MSI2: variants seen among roughly 807,000 people sequenced by gnomAD.
MSI2 encodes the protein musashi RNA binding protein 2.
MSI2 carries 17 observed loss-of-function variants against 45.6 expected under a neutral mutation model. That is an observed-to-expected ratio of 0.37 (90% CI 0.26 to 0.56). MSI2 has a LOEUF of 0.56. MSI2 is among the 20% of genes least tolerant of loss of function. The pLI is 0.77. For missense variants in MSI2, 293 were observed against 444.2 expected (o/e 0.66, Z 3.06); for synonymous variants, 156 against 158.2 (o/e 0.99, Z 0.11).
chr17:57,590,138 A>AT (rs949415248), intron 7 of MSI2, among the ~76,000 whole-genome samples: 5 of 151,284 alleles, frequency 3.3e-5, no homozygotes, highest in South Asian at 2.1e-4. Flanking sequence ...TTCCTCCCTC[A>AT]TTTTTTTTTC....
chr17:57,327,324 C>T (rs370331496), intron 5 of MSI2, among the ~76,000 whole-genome samples: 11 of 152,142 alleles, frequency 7.2e-5, no homozygotes, highest in Admixed American at 5.2e-4. Flanking sequence ...AGAGAGGTAA[C>T]GTGACTCATC....
At chr17:57,540,366 C>A (rs1267031622) in intron 7 of MSI2, among the ~76,000 whole-genome samples, 2 of 152,194 alleles carry the variant, frequency 1.3e-5, no homozygotes, top group African/African-American at 4.8e-5. Flanking sequence ...CCCTAGATGG[C>A]TGCTGGCAGA....
chr17:57,261,776 G>A (rs961383354), intron 4 of MSI2, among the ~76,000 whole-genome samples: 4 of 152,288 alleles, frequency 2.6e-5, no homozygotes, highest in African/African-American at 9.6e-5. Flanking sequence ...TTTTCCCAAT[G>A]ATAATGATGC....
chr17:57,339,055 A>G (rs2143776039), intron 5 of MSI2, among the ~76,000 whole-genome samples: 1 of 152,308 alleles, frequency 6.6e-6, no homozygotes, highest in African/African-American at 2.4e-5. Flanking sequence ...TGGCTTTCAA[A>G]AGAAAATCAC....
intron 3 of MSI2, 105 bp from the exon 4 acceptor site, chr17:57,258,165 G>C (rs1805139497): frequency 1.1e-6 from 1 of 919,212 alleles, no homozygotes; most frequent in African/African-American, 1.6e-5. Context: ...GGGGGTGCGT[G>C]GGGGGCAACT....
chr17:57,319,639 G>A (rs1189565635), intron 5 of MSI2, among the ~76,000 whole-genome samples: 1 of 152,056 alleles, frequency 6.6e-6, no homozygotes, highest in African/African-American at 2.4e-5. Flanking sequence ...TTTTGACAGG[G>A]TCTCACTCTG....
At chr17:57,575,151 TC>T (rs898555784) in intron 7 of MSI2, among the ~76,000 whole-genome samples, 2 of 114,378 alleles carry the variant, frequency 1.7e-5, no homozygotes, top group Admixed American at 8.9e-5. Flanking sequence ...TTTAACTCCC[TC>T]CCCCCGCCAC....
chr17:57,641,459 C>A (rs1305661409), intron 10 of MSI2, among the ~76,000 whole-genome samples: 1 of 152,110 alleles, frequency 6.6e-6, no homozygotes, highest in East Asian at 1.9e-4. Context: ...TGTAAGATTT[C>A]AGGGGCTCAG....
At chr17:57,675,258 A>G in intron 12 of MSI2, 132 bp downstream of exon 12, 4 of 877,666 alleles carry the variant, frequency 4.6e-6, no homozygotes, top group Non-Finnish European at 7.0e-6. Flanking sequence ...ACATCACACC[A>G]GCTCCTGAGG....
chr17:57,402,139 G>A (rs931577328), intron 6 of MSI2, among the ~76,000 whole-genome samples: 3 of 152,190 alleles, frequency 2.0e-5, no homozygotes, highest in Admixed American at 6.5e-5. Flanking sequence ...ACATGTCACC[G>A]TGGGTGAGGT....
At position 57,262,434 on chromosome 17, in the gene MSI2, G is replaced by A. The variant is rs1001119026; in HGVS notation, c.312+242G>A. On this transcript the variant is annotated intron_variant, in intron 5 of 13. Transcript: ENST00000284073. Reference sequence around the variant, plus strand: ...CAAGTCTGATGCTTAGTGGGAGGACGTGTTTCCATCGACTGCAGTATTTTT... The same window carrying A: ...CAAGTCTGATGCTTAGTGGGAGGACATGTTTCCATCGACTGCAGTATTTTT... 5 of 424,554 alleles carry A rather than the reference G, an allele frequency of 1.2e-5. No homozygotes were observed. In the South Asian group the frequency reaches 2.1e-4, roughly 18 times the overall value. The allele number at this position is 424,554 out of a possible 1,614,324, so 26.3% of individuals were successfully genotyped here.
intron 5 of MSI2, among the ~76,000 whole-genome samples, chr17:57,398,434 T>C (rs1054696578): frequency 3.9e-5 from 6 of 152,184 alleles, no homozygotes; most frequent in Non-Finnish European, 8.8e-5. Context: ...GAATGAAAAA[T>C]CTAAAATTAA....
chr17:57,325,991 T>C (rs1913757577), intron 5 of MSI2, among the ~76,000 whole-genome samples: 6 of 152,182 alleles, frequency 3.9e-5, no homozygotes, highest in Admixed American at 3.9e-4. Context: ...CTGGTCCCTC[T>C]GCTGGGAATG....
intron 5 of MSI2, among the ~76,000 whole-genome samples, chr17:57,399,010 T>G (rs2083940299): frequency 6.6e-6 from 1 of 152,224 alleles, no homozygotes; most frequent in Admixed American, 6.5e-5. Flanking sequence ...AAAGTTAGAT[T>G]AGTAAAATTT....
At chr17:57,335,098 T>A (rs943881678) in intron 5 of MSI2, among the ~76,000 whole-genome samples, 5 of 152,178 alleles carry the variant, frequency 3.3e-5, no homozygotes, top group Non-Finnish European at 4.4e-5. Flanking sequence ...CAGGAATCCG[T>A]CAGTGCCAGG....
chr17:57,543,307 G>A lies in MSI2; in HGVS notation c.454+13583G>A, dbSNP rs545526683. 2.0e-5 allele frequency among the ~76,000 whole-genome samples: 3 copies of A among 152,324 alleles called. No individual in the cohort carries two copies. In the East Asian group the frequency reaches 5.8e-4, roughly 29 times the overall value. On this transcript the variant is annotated intron_variant, in intron 7 of 13. Coordinates refer to ENST00000284073, the MANE Select transcript of MSI2 (RefSeq NM_138962.4). ...GGAAAATGCCTTTAGTGTTGTTGTA[G>A]CTGTTCTTAACAGCTGATTTAGAAG...
intron 6 of MSI2, among the ~76,000 whole-genome samples, chr17:57,422,324 A>T (rs923874742): frequency 1.3e-5 from 2 of 152,140 alleles, no homozygotes; most frequent in African/African-American, 4.8e-5. Context: ...TCCGAGCATG[A>T]TGGCAGGTGC....
intron 7 of MSI2, among the ~76,000 whole-genome samples, chr17:57,583,560 C>T (rs2088266502): frequency 7.1e-6 from 1 of 141,574 alleles, no homozygotes; most frequent in Admixed American, 7.6e-5. Flanking sequence ...TCTTAGCTTA[C>T]TGCAGCCTTG....
At chr17:57,521,126 C>T (rs1170165592) in intron 6 of MSI2, among the ~76,000 whole-genome samples, 1 of 152,178 alleles carries the variant, frequency 6.6e-6, no homozygotes, top group East Asian at 1.9e-4. Flanking sequence ...ATAGAAACTC[C>T]AAGCGCACCT....
Sources: gnomAD v4.1 joint callset for allele counts (sites outside exome capture counted in the v4.1 genomes callset) on GRCh38, gnomAD v4.1.1 for gene constraint, MANE v1.5 for transcripts, NCBI Gene and HGNC (gene_info 2026-07-23, HGNC 2026-07-21) for gene names.